TRPM3: variants seen among roughly 807,000 people sequenced by gnomAD.
TRPM3 encodes transient receptor potential cation channel subfamily M member 3, also known as long transient receptor potential channel 3.
In TRPM3, 77 loss-of-function variants were observed where a neutral mutation model predicts 181.2. The ratio of observed to expected loss-of-function variants is 0.42; its 90% CI spans 0.35 to 0.51. TRPM3 has a LOEUF of 0.51. TRPM3 is among the 20% of genes least tolerant of loss of function. The pLI is 0.01. For missense variants in TRPM3, 1,759 were observed against 2,196.7 expected (o/e 0.80, Z 3.98); for synonymous variants, 745 against 796.4 (o/e 0.94, Z 1.09).
intron 1 of TRPM3, among the ~76,000 whole-genome samples, chr9:71,315,857 A>G (rs1398599197): frequency 1.3e-5 from 2 of 152,294 alleles, no homozygotes; most frequent in South Asian, 2.1e-4. Flanking sequence ...GATGTATTAT[A>G]GTTTTATCTA....
intron 1 of TRPM3, among the ~76,000 whole-genome samples, chr9:71,421,985 T>C (rs1017791375): frequency 6.6e-6 from 1 of 151,876 alleles, no homozygotes; most frequent in Non-Finnish European, 1.5e-5. Context: ...TTCTCAAAAA[T>C]GTTGTTTTTT....
intron 1 of TRPM3, among the ~76,000 whole-genome samples, chr9:71,289,152 A>G (rs1296692958): frequency 6.9e-6 from 1 of 145,932 alleles, no homozygotes; most frequent in Non-Finnish European, 1.5e-5. Flanking sequence ...ATATGTAACA[A>G]AACAGTGAGA....
chr9:70,788,707 C>T lies in TRPM3; in HGVS notation c.974-4428G>A, dbSNP rs138924412. Among the ~76,000 whole-genome samples, 41 of 152,158 alleles carry T rather than the reference C, an allele frequency of 2.7e-4. No homozygotes were observed. In the East Asian group the frequency reaches 7.5e-3, roughly 28 times the overall value. On this transcript the variant is annotated intron_variant, in intron 6 of 25. Transcript: ENST00000677713. Reference sequence around the variant, plus strand: ...CACCATAATGTAGAATCAGTGGGAGCCCTGAGCTTGCTTTCTCATCTAGGG... The same window carrying T: ...CACCATAATGTAGAATCAGTGGGAGTCCTGAGCTTGCTTTCTCATCTAGGG...
chr9:70,769,733 T>C (rs2079853994), intron 7 of TRPM3, among the ~76,000 whole-genome samples: 1 of 152,098 alleles, frequency 6.6e-6, no homozygotes, highest in African/African-American at 2.4e-5. Flanking sequence ...TCTATGATTA[T>C]TTTATTGCAT....
chr9:71,380,919 A>T (rs1181881457), intron 1 of TRPM3, among the ~76,000 whole-genome samples: 1 of 152,040 alleles, frequency 6.6e-6, no homozygotes, highest in East Asian at 1.9e-4. Flanking sequence ...GGAGTAGGGG[A>T]TGACAAAATG....
At chr9:71,395,177 T>A (rs570978737) in intron 1 of TRPM3, among the ~76,000 whole-genome samples, 57 of 152,294 alleles carry the variant, frequency 3.7e-4, no homozygotes, top group Admixed American at 7.8e-4. Flanking sequence ...CCTGCACAGC[T>A]CAAGTCCACA....
At chr9:70,613,972 T>A (rs1030236485) in intron 18 of TRPM3, among the ~76,000 whole-genome samples, 1 of 152,094 alleles carries the variant, frequency 6.6e-6, no homozygotes, top group African/African-American at 2.4e-5. Flanking sequence ...ACACTTGACT[T>A]TGGAGGCTCA....
At chr9:70,678,911 G>A (rs2064727639) in intron 9 of TRPM3, among the ~76,000 whole-genome samples, 1 of 152,230 alleles carries the variant, frequency 6.6e-6, no homozygotes. Context: ...CAAATCAAAT[G>A]GGTCAGCAAC....
chr9:70,641,741 A>G (rs955672231), intron 9 of TRPM3, among the ~76,000 whole-genome samples: 1 of 152,174 alleles, frequency 6.6e-6, no homozygotes, highest in Non-Finnish European at 1.5e-5. Context: ...AGTAAGTGCT[A>G]TTGGCCCAGA....
At position 70,615,949 on chromosome 9, in the gene TRPM3, T is replaced by C. The variant is rs1467601222; in HGVS notation, c.2485A>G (p.Lys829Glu). 1 of 1,612,940 alleles carries C rather than the reference T, an allele frequency of 6.2e-7. No homozygotes were observed. Among genetic ancestry groups the C allele is most frequent in the Non-Finnish European group, 8.5e-7 (1 of 1,179,562 alleles). Residue 829 changes from lysine to glutamate, a missense_variant, in exon 18 of 26, where the codon AAG becomes GAG. By Grantham distance (56) the Lys-to-Glu change is moderately conservative (BLOSUM62 1). Transcript: ENST00000677713. ...LQEKEAEEPE[K>E]PTKEKEEEDM... ...TCTTCCTCTTTTTCCTTTGTGGGCT[T>C]CTCTGGTTCTTCTGCCTCCTTCTCT...
chr9:71,032,897 T>C (rs2057714300), intron 1 of TRPM3, among the ~76,000 whole-genome samples: 1 of 152,228 alleles, frequency 6.6e-6, no homozygotes, highest in South Asian at 2.1e-4. Context: ...ACTCTATTAT[T>C]TCCTGGACTC....
At chr9:70,615,077 G>A (rs539912885) in intron 18 of TRPM3, among the ~76,000 whole-genome samples, 33 of 152,326 alleles carry the variant, frequency 2.2e-4, no homozygotes, top group Non-Finnish European at 4.1e-4. Flanking sequence ...TCACACTGCT[G>A]TCCTACTAGG....
intron 5 of TRPM3, among the ~76,000 whole-genome samples, chr9:70,828,411 G>T (rs1403160024): frequency 6.6e-6 from 1 of 151,998 alleles, no homozygotes; most frequent in Non-Finnish European, 1.5e-5. Context: ...ACTTTAACAG[G>T]CACAGCAGAA....
chr9:70,737,849 C>G (rs1404212512), intron 8 of TRPM3, among the ~76,000 whole-genome samples: 1 of 152,098 alleles, frequency 6.6e-6, no homozygotes, highest in African/African-American at 2.4e-5. Flanking sequence ...ATGCACCTAC[C>G]ATTGGAGCTC....
chr9:71,351,958 CT>C (rs2091661558), intron 1 of TRPM3, among the ~76,000 whole-genome samples: 1 of 150,168 alleles, frequency 6.7e-6, no homozygotes, highest in Non-Finnish European at 1.5e-5. Context: ...TCACTGCAAG[CT>C]CCGCCTCCTG....
intron 1 of TRPM3, among the ~76,000 whole-genome samples, chr9:71,031,998 T>TTATATATATAG (rs2057414801): frequency 1.9e-3 from 1 of 522 alleles, no homozygotes; most frequent in Non-Finnish European, 4.7e-3. Flanking sequence ...TATATATATA[T>TTATATATATAG]AATTATATAA....
At chr9:71,072,710 G>GTA (rs2062936376) in intron 1 of TRPM3, among the ~76,000 whole-genome samples, 1 of 152,172 alleles carries the variant, frequency 6.6e-6, no homozygotes, top group South Asian at 2.1e-4. Context: ...AATCAACTCA[G>GTA]TATACCACTG....
At chr9:71,087,991 T>C (rs2065569780) in intron 1 of TRPM3, among the ~76,000 whole-genome samples, 2 of 152,028 alleles carry the variant, frequency 1.3e-5, no homozygotes, top group South Asian at 4.1e-4. Flanking sequence ...AACCCTTACA[T>C]TGTTATTTAT....
At chr9:71,126,620 T>G (rs568862072), upstream of TRPM3, among the ~76,000 whole-genome samples, 1 of 152,352 alleles carries the variant, frequency 6.6e-6, no homozygotes, top group South Asian at 2.1e-4. Context: ...CCTTTTGCCA[T>G]CTTTTGTAGA....
Sources: allele counts gnomAD v4.1 joint callset (sites outside exome capture counted in the v4.1 genomes callset), GRCh38; gene constraint gnomAD v4.1.1; transcripts MANE v1.5; gene names NCBI Gene and HGNC (gene_info 2026-07-23, HGNC 2026-07-21).